SCN1A: variants seen among roughly 807,000 people sequenced by gnomAD.
SCN1A encodes the protein sodium channel protein type 1 subunit alpha.
Under a neutral mutation model 193.7 loss-of-function variants are expected in SCN1A, and 13 were observed. The observed-to-expected ratio is 0.07, with a 90% CI of 0.04 to 0.11. The LOEUF is 0.11. SCN1A is among the 10% of genes least tolerant of loss of function. SCN1A has a pLI of 1.00. For missense variants in SCN1A, 1,432 were observed against 2,451.1 expected (o/e 0.58, Z 8.78); for synonymous variants, 781 against 843.6 (o/e 0.93, Z 1.29).
At position 166,042,438 on chromosome 2, in the gene SCN1A, T is replaced by A. The variant is rs537722606; in HGVS notation, c.2044-14A>T. On this transcript the variant is annotated splice_polypyrimidine_tract_variant and intron_variant, in intron 14 of 28. Coordinates refer to ENST00000674923, the MANE Select transcript of SCN1A (RefSeq NM_001165963.4). Reference sequence around the variant, plus strand: ...AGTGGTTGTTCCCTGTAAAAAAAAATGCTAATGCATTAAACAATTAATTTG... The same window carrying A: ...AGTGGTTGTTCCCTGTAAAAAAAAAAGCTAATGCATTAAACAATTAATTTG... 1.2e-6 allele frequency: 2 copies of A among 1,611,076 alleles called. No individual in the cohort carries two copies. The highest frequency in any genetic ancestry group is 1.1e-5 in the South Asian group (1 of 90,990).
In SCN1A at chr2:165,992,455, A is replaced by G. The variant is rs1247247820; in HGVS notation, c.4853-33T>C. ...TAAACAATGAGAATACCAACCAGTG[A>G]AGAAATCATGCGTTAAAATAAACAT... is the stretch of plus-strand genomic sequence containing the variant. On this transcript the variant is annotated intron_variant, in intron 28 of 28. Coordinates refer to ENST00000674923, the MANE Select transcript of SCN1A (RefSeq NM_001165963.4). The surrounding 1 kb of genome is among the most constrained non-coding windows in gnomAD (Gnocchi z 6.5). 1.2e-6 allele frequency: 2 copies of G among 1,611,534 alleles called. No homozygotes were observed. The highest frequency in any genetic ancestry group is 3.3e-5 in the Admixed American group (2 of 59,896).
intron 2 of SCN1A, among the ~76,000 whole-genome samples, chr2:166,083,127 T>C (rs2106030105): frequency 6.6e-6 from 1 of 152,210 alleles, no homozygotes; most frequent in South Asian, 2.1e-4. Flanking sequence ...GGTTTTTACA[T>C]AGAAATCCCA....
At chr2:166,040,975 C>A (rs1185508599) in intron 16 of SCN1A, among the ~76,000 whole-genome samples, 2 of 152,142 alleles carry the variant, frequency 1.3e-5, no homozygotes, top group Non-Finnish European at 2.9e-5. Flanking sequence ...CTTCTGGATC[C>A]TGAAAAATTA....
chr2:165,997,973 C>A, intron 26 of SCN1A, 65 bp downstream of exon 26: 1 of 1,325,966 alleles, frequency 7.5e-7, no homozygotes, highest in East Asian at 2.3e-5. Flanking sequence ...ACTCATTTGG[C>A]AGAGAAAACA....
chr2:166,112,684 T>C (rs1309689387), intron 2 of SCN1A, among the ~76,000 whole-genome samples: 1 of 152,140 alleles, frequency 6.6e-6, no homozygotes, highest in African/African-American at 2.4e-5. Flanking sequence ...CATAAGAGCT[T>C]CTATAATCTT....
intron 2 of SCN1A, among the ~76,000 whole-genome samples, chr2:166,102,329 T>C (rs995928738): frequency 1.3e-5 from 2 of 151,822 alleles, no homozygotes; most frequent in African/African-American, 4.8e-5. Context: ...ACCCCATTTC[T>C]ACTAAAAATA....
rs1241050701 is a variant in SCN1A at position 165,990,618 on chromosome 2, AT to A, written c.*626del. 6.5e-6 allele frequency: 1 copy of A among 152,770 alleles called. No individual in the cohort carries two copies. Among genetic ancestry groups the A allele is most frequent in the Non-Finnish European group, 1.5e-5 (1 of 68,288 alleles). 9.5% of individuals were successfully genotyped at this position (152,770 alleles called of 1,614,324 possible). A position where few individuals can be genotyped will look rare whatever the true frequency, so the allele number is the denominator to read the frequency against. On this transcript the variant is annotated 3_prime_UTR_variant, in exon 29 of 29. Coordinates refer to ENST00000674923, the MANE Select transcript of SCN1A (RefSeq NM_001165963.4). Reference sequence around the variant, plus strand: ...TTACCCCTCCCAGAAATATGGTGAAATTTAAGAATTTGTTTTTCTTGTGACT... The same window carrying A: ...TTACCCCTCCCAGAAATATGGTGAAATTAAGAATTTGTTTTTCTTGTGACT...
chr2:166,002,593 T>G lies in SCN1A; in HGVS notation c.4163A>C (p.Glu1388Ala), dbSNP rs1193894429. The G allele has an allele frequency of 6.2e-7, 1 of 1,611,932 alleles. No homozygotes were observed. The highest frequency in any genetic ancestry group is 1.3e-5 in the African/African-American group (1 of 74,744). Reference protein sequence around the residue: ...NTTTGDRFDIEDVNNHTDCLK... With the variant: ...NTTTGDRFDIADVNNHTDCLK... ...GCAATCAGTATGATTATTCACGTCT[T>G]CGATGTCAAACCTGTCACCAGTTGT... is the stretch of plus-strand genomic sequence containing the variant. The change falls in exon 24 of 29, where the codon GAA becomes GCA. Residue 1388 changes from glutamate (E) to alanine (A), a missense_variant. This residue lies in a region of SCN1A where 107 missense variants were observed against 259.4 expected (regional missense o/e 0.41). Transcript: ENST00000674923.
At chr2:166,063,602 T>C (rs985470352) in intron 4 of SCN1A, among the ~76,000 whole-genome samples, 5 of 152,020 alleles carry the variant, frequency 3.3e-5, no homozygotes, top group African/African-American at 1.2e-4. Flanking sequence ...TTTAATAGAA[T>C]ATAGAAGAAT....
At chr2:166,070,481 A>G (rs1217615755) in intron 4 of SCN1A, among the ~76,000 whole-genome samples, 2 of 152,212 alleles carry the variant, frequency 1.3e-5, no homozygotes, top group Non-Finnish European at 2.9e-5. Flanking sequence ...GCATTTGAAG[A>G]TAAGAACAGA....
intron 26 of SCN1A, 39 bp from the exon 27 acceptor site, chr2:165,996,156 C>A: frequency 7.8e-7 from 1 of 1,281,190 alleles, no homozygotes; most frequent in South Asian, 1.2e-5. Flanking sequence ...AAACTGTGTC[C>A]TTTTGTACAT....
At chr2:166,110,518 G>A (rs1475144001) in intron 2 of SCN1A, among the ~76,000 whole-genome samples, 1 of 152,210 alleles carries the variant, frequency 6.6e-6, no homozygotes, top group Non-Finnish European at 1.5e-5. Flanking sequence ...CTAATTCAGA[G>A]CAAGGCTCTA....
chr2:166,097,149 G>A (rs1193850329), intron 2 of SCN1A, among the ~76,000 whole-genome samples: 1 of 151,928 alleles, frequency 6.6e-6, no homozygotes. Flanking sequence ...AGCCTCCCAA[G>A]TAGCTGGGAC....
At chr2:166,092,501 A>G (rs1045717475) in intron 2 of SCN1A, 1 of 152,210 alleles carries the variant, frequency 6.6e-6, no homozygotes, top group African/African-American at 2.4e-5. Flanking sequence ...AATTAATTTA[A>G]ATGTTAGAAC....
At chr2:166,064,494 A>G (rs1326757687) in intron 4 of SCN1A, among the ~76,000 whole-genome samples, 1 of 152,198 alleles carries the variant, frequency 6.6e-6, no homozygotes, top group East Asian at 1.9e-4. Flanking sequence ...AGTTACTAAG[A>G]AAATAATTAT....
At chr2:166,082,694 G>A (rs569679900) in intron 2 of SCN1A, among the ~76,000 whole-genome samples, 30 of 151,840 alleles carry the variant, frequency 2.0e-4, no homozygotes, top group Non-Finnish European at 3.2e-4. Context: ...TTGCTAAACT[G>A]GATTATTTCT....
chr2:165,990,024 C>T lies in SCN1A; in HGVS notation c.*1221G>A, dbSNP rs1573934730. ...TTGAACAATTTCCTTGACTTTACCA[C>T]TGACATATGGTTTCTCATAAATGAG... On this transcript the variant is annotated 3_prime_UTR_variant, in exon 29 of 29. Transcript: ENST00000674923. 1 of 152,508 alleles carries T rather than the reference C, an allele frequency of 6.6e-6. No individual in the cohort carries two copies. The highest frequency in any genetic ancestry group is 1.9e-4 in the East Asian group (1 of 5,184). The allele number at this position is 152,508 out of a possible 1,614,324, so 9.4% of individuals were successfully genotyped here. A position where few individuals can be genotyped will look rare whatever the true frequency, so the allele number is the denominator to read the frequency against.
chr2:166,088,374 G>A (rs765530921), intron 2 of SCN1A, among the ~76,000 whole-genome samples: 24 of 152,076 alleles, frequency 1.6e-4, no homozygotes, highest in Non-Finnish European at 3.2e-4. Context: ...ATTTTCAGGT[G>A]TCAATGATGA....
intron 2 of SCN1A, among the ~76,000 whole-genome samples, chr2:166,111,174 A>T (rs1384694926): frequency 6.6e-6 from 1 of 152,178 alleles, no homozygotes; most frequent in African/African-American, 2.4e-5. Context: ...TAGGACTTTC[A>T]TAGCTAGAGA....
Sources: allele counts gnomAD v4.1 joint callset (sites outside exome capture counted in the v4.1 genomes callset), GRCh38; gene constraint gnomAD v4.1.1; regional missense constraint gnomAD v4.1.1; non-coding constraint Gnocchi (gnomAD v3.1); transcripts MANE v1.5; gene names NCBI Gene and HGNC (gene_info 2026-07-23, HGNC 2026-07-21).